The following SGCZ variants were observed in gnomAD, a reference collection of about 807,000 sequenced individuals.
The protein encoded by SGCZ is zeta-sarcoglycan.
A neutral mutation model predicts 41.3 loss-of-function variants in SGCZ; 40 were observed. That is an observed-to-expected ratio of 0.97 (90% confidence interval 0.75 to 1.26). The LOEUF (loss-of-function observed/expected upper bound fraction) is 1.26, where lower values mean the gene tolerates loss of function less well. SGCZ is among the 50% of genes most tolerant of loss of function. The probability of loss-of-function intolerance (pLI) is 0.00; values close to 1 mark genes in which losing one functional copy is unlikely to be tolerated. For synonymous variants in SGCZ, 206 were observed against 137.5 expected (o/e 1.50, Z -3.49); for missense variants, 552 against 369.8 (o/e 1.49, Z -4.04).
chr8:14,786,081 G>C (rs999398683), intron 1 of SGCZ, among the ~76,000 whole-genome samples: 1 of 135,140 alleles, frequency 7.4e-6, no homozygotes, highest in African/African-American at 3.4e-5. Context: ...CAAGTAAGTG[G>C]TATACTGAAA....
chr8:14,846,148 A>G lies in SGCZ; in HGVS notation c.40-291222T>C, dbSNP rs538655906. ...AAAAATACAGTAAGGTAGTCAGTAC[A>G]TAACAGACCAGAAAAAAATACTATC... On this transcript the variant is annotated intron_variant, in intron 1 of 7. Transcript: ENST00000382080. Among the ~76,000 whole-genome samples the G allele has an allele frequency of 6.6e-5, 10 of 152,344 alleles. No individual in the cohort carries two copies. In the South Asian group the frequency reaches 1.9e-3, roughly 28 times the overall value.
chr8:14,437,958 A>G (rs1585512564), intron 2 of SGCZ, among the ~76,000 whole-genome samples: 1 of 152,138 alleles, frequency 6.6e-6, no homozygotes, highest in East Asian at 1.9e-4. Context: ...TTTGGCATAT[A>G]AAATCTAGAA....
intron 1 of SGCZ, among the ~76,000 whole-genome samples, chr8:14,698,652 T>G (rs547086802): frequency 6.6e-6 from 1 of 152,060 alleles, no homozygotes; most frequent in African/African-American, 2.4e-5. Flanking sequence ...TCATGACATA[T>G]TATATCCTAA....
chr8:14,155,523 A>C (rs1803850483), intron 5 of SGCZ, among the ~76,000 whole-genome samples: 1 of 152,106 alleles, frequency 6.6e-6, no homozygotes, highest in Non-Finnish European at 1.5e-5. Flanking sequence ...TCATCCATTG[A>C]TAATTTTGCC....
intron 1 of SGCZ, among the ~76,000 whole-genome samples, chr8:15,017,214 T>C (rs1472149446): frequency 1.3e-5 from 2 of 152,188 alleles, no homozygotes; most frequent in Non-Finnish European, 2.9e-5. Context: ...AGTTGCCTCA[T>C]CAGTAACTGG....
chr8:14,614,994 A>G (rs1309281723), intron 1 of SGCZ, among the ~76,000 whole-genome samples: 2 of 115,548 alleles, frequency 1.7e-5, no homozygotes, highest in Non-Finnish European at 4.0e-5. Flanking sequence ...ATGTGTGTGT[A>G]TATATGTGTG....
At chr8:14,764,569 G>A (rs1177941021) in intron 1 of SGCZ, among the ~76,000 whole-genome samples, 2 of 152,092 alleles carry the variant, frequency 1.3e-5, no homozygotes, top group African/African-American at 2.4e-5. Flanking sequence ...ATATACAAAC[G>A]TGAGATATTT....
In SGCZ at chr8:14,816,726, A is replaced by G. The variant is rs866372892; in HGVS notation, c.40-261800T>C. Reference sequence around the variant, plus strand: ...TCTCCAACAGAAGAAGTATACTGATAAAAGAATTGTAAGCTCCATATATCC... The same window carrying G: ...TCTCCAACAGAAGAAGTATACTGATGAAAGAATTGTAAGCTCCATATATCC... On this transcript the variant is annotated intron_variant, in intron 1 of 7. Coordinates refer to ENST00000382080, the MANE Select transcript of SGCZ (RefSeq NM_139167.4). Among the ~76,000 whole-genome samples, 6 of 152,330 alleles carry G rather than the reference A, an allele frequency of 3.9e-5. No individual in the cohort carries two copies. The South Asian group carries it at 6.2e-4, about 16-fold the overall frequency.
At chr8:14,316,135 T>G (rs752723934) in intron 3 of SGCZ, among the ~76,000 whole-genome samples, 1 of 151,936 alleles carries the variant, frequency 6.6e-6, no homozygotes, top group African/African-American at 2.4e-5. Flanking sequence ...AATCCTATGT[T>G]ATTAAAATTG....
intron 1 of SGCZ, among the ~76,000 whole-genome samples, chr8:14,774,217 G>A (rs1414299649): frequency 6.6e-6 from 1 of 152,208 alleles, no homozygotes; most frequent in African/African-American, 2.4e-5. Context: ...TGTGCAGCCT[G>A]AAGGCCTTCA....
At chr8:14,784,955 TTA>T (rs3069678) in intron 1 of SGCZ, among the ~76,000 whole-genome samples, 16,995 of 131,804 alleles carry the variant, frequency 0.13, 1,302 homozygotes, top group Non-Finnish European at 0.14. Flanking sequence ...ATTTTTTATA[TTA>T]TATATATATA....
At chr8:14,505,840 G>A (rs182403786) in intron 2 of SGCZ, among the ~76,000 whole-genome samples, 93 of 152,100 alleles carry the variant, frequency 6.1e-4, no homozygotes, top group Admixed American at 4.9e-3. Flanking sequence ...AGGCCCCATC[G>A]TATACTTAAT....
intron 1 of SGCZ, among the ~76,000 whole-genome samples, chr8:14,748,643 G>A (rs1357198921): frequency 6.6e-6 from 1 of 152,146 alleles, no homozygotes; most frequent in African/African-American, 2.4e-5. Context: ...CTAAAAGGGA[G>A]CAAGAGAGAT....
At chr8:14,539,102 T>TAA (rs2117145430) in intron 2 of SGCZ, among the ~76,000 whole-genome samples, 1 of 152,100 alleles carries the variant, frequency 6.6e-6, no homozygotes, top group South Asian at 2.1e-4. Flanking sequence ...TCCAATCAGT[T>TAA]AAAGAATTTA....
intron 1 of SGCZ, among the ~76,000 whole-genome samples, chr8:14,572,849 TG>T (rs1804596273): frequency 6.6e-6 from 1 of 152,180 alleles, no homozygotes; most frequent in Admixed American, 6.5e-5. Flanking sequence ...AATCCAGGTC[TG>T]TTTTTTTTGA....
intron 1 of SGCZ, among the ~76,000 whole-genome samples, chr8:14,881,998 C>T (rs1169551213): frequency 6.6e-6 from 1 of 152,134 alleles, no homozygotes; most frequent in Non-Finnish European, 1.5e-5. Context: ...ATGAAATTGA[C>T]AGACATCAAA....
chr8:14,143,749 A>G (rs535850936), intron 5 of SGCZ, among the ~76,000 whole-genome samples: 2 of 152,276 alleles, frequency 1.3e-5, no homozygotes, highest in Non-Finnish European at 2.9e-5. Flanking sequence ...AGAGCCCTAA[A>G]TGGTCAATGC....
At chr8:15,161,663 A>G (rs535284481) in intron 1 of SGCZ, among the ~76,000 whole-genome samples, 24 of 152,366 alleles carry the variant, frequency 1.6e-4, no homozygotes, top group Admixed American at 1.3e-4. Context: ...TAGAAACCAA[A>G]AAATTTCAAC....
rs144350711 is a variant in SGCZ at position 14,896,214 on chromosome 8, A to G, written c.40-341288T>C. ...TCACATTGTTAATTCTCTTCCTCTC[A>G]TCCGGGAAAGCTGACTTTCAAGAAA... On this transcript the variant is annotated intron_variant, in intron 1 of 7. Transcript: ENST00000382080. 4.0e-3 allele frequency among the ~76,000 whole-genome samples: 607 copies of G among 152,188 alleles called. 4 individuals carry two copies. Among genetic ancestry groups the G allele is most frequent in the African/African-American group, 0.014 (588 of 41,508 alleles).
Sources: gnomAD v4.1 joint callset for allele counts (sites outside exome capture counted in the v4.1 genomes callset) on GRCh38, gnomAD v4.1.1 for gene constraint, MANE v1.5 for transcripts, NCBI Gene and HGNC (gene_info 2026-07-23, HGNC 2026-07-21) for gene names.